WFDC12: variants seen among roughly 807,000 people sequenced by gnomAD.
The protein encoded by WFDC12 is WAP four-disulfide core domain protein 12.
WFDC12 carries 4 observed loss-of-function variants against 7.3 expected under a neutral mutation model. The ratio of observed to expected loss-of-function variants is 0.55; its 90% CI spans 0.27 to 1.25. The LOEUF (loss-of-function observed/expected upper bound fraction) is 1.25. WFDC12 is among the 50% of genes most tolerant of loss of function. WFDC12 has a pLI of 0.12. For synonymous variants in WFDC12, 48 were observed against 49.5 expected, an observed-to-expected ratio of 0.97 and a Z score of 0.13; for missense variants, 156 against 134.4, an observed-to-expected ratio of 1.16 and a Z score of -0.80.
Position 45,124,433 on chromosome 20 carries a change from G to A in WFDC12, c.15C>T (p.Ser5=). 2 of 1,614,164 alleles carry A rather than the reference G, an allele frequency of 1.2e-6. No individual in the cohort carries two copies. The highest frequency in any genetic ancestry group is 1.7e-6 in the Non-Finnish European group (2 of 1,180,028). MGSS[S]FLVLMVSLVL... ...CGAGAGACACCATGAGGACCAAGAA[G>A]CTGCTGGACCCCATGTTGCCAGGCA... is the stretch of plus-strand genomic sequence containing the variant. The change falls in exon 1 of 3, where the codon AGC becomes AGT. Residue 5 remains serine, a synonymous_variant. Transcript: ENST00000372785.
chr20:45,124,325 C>A (rs1037470088), intron 1 of WFDC12, 44 bp downstream of exon 1: 4 of 1,613,944 alleles, frequency 2.5e-6, no homozygotes, highest in Non-Finnish European at 3.4e-6. Flanking sequence ...CCCTCAGGAC[C>A]TCTCCCCAGC....
At chr20:45,124,027 G>T in intron 2 of WFDC12, 80 bp downstream of exon 2, 1 of 1,604,642 alleles carries the variant, frequency 6.2e-7, no homozygotes, top group East Asian at 2.2e-5. Flanking sequence ...CAGCTAAAGG[G>T]ACTAATTCCT....
chr20:45,123,880 G>C lies in WFDC12; in HGVS notation c.302C>G (p.Pro101Arg). Residue 101 changes from proline to arginine, a missense_variant, in exon 3 of 3, where the codon CCA (proline) becomes CGA (arginine). Coordinates refer to ENST00000372785, the MANE Select transcript of WFDC12 (RefSeq NM_080869.2). ...AGGACACCTGGTAGAGGAGGAGCCTGGACACTTGGCCTCCCATCCTGGCTC... is the reference window on the plus strand; with the variant it reads ...AGGACACCTGGTAGAGGAGGAGCCTCGACACTTGGCCTCCCATCCTGGCTC... ...YPEPGWEAKC[P>R]GSSSTRCPQK is the part of the protein sequence containing the mutation. The C allele has an allele frequency of 6.2e-7, 1 of 1,613,418 alleles. No homozygotes were observed. Among genetic ancestry groups the C allele is most frequent in the African/African-American group, 1.3e-5 (1 of 74,998 alleles).
At chr20:45,124,065 A>G in intron 2 of WFDC12, 42 bp downstream of exon 2, 1 of 1,612,906 alleles carries the variant, frequency 6.2e-7, no homozygotes, top group South Asian at 1.1e-5. Context: ...AGATAGAGGC[A>G]GGGAAGGGAC....
chr20:45,124,102 C>T lies in WFDC12; in HGVS notation c.238+5G>A, dbSNP rs763508107. ...GCCCCAGCCCTGGGAGGCAGGTCTC[C>T]TTACCTTCTTCCAGTTCCTTCACAG... On this transcript the variant is annotated splice_donor_5th_base_variant and intron_variant, in intron 2 of 2. Coordinates refer to ENST00000372785, the MANE Select transcript of WFDC12 (RefSeq NM_080869.2). 6.2e-7 allele frequency: 1 copy of T among 1,613,984 alleles called. No individual in the cohort carries two copies. Among genetic ancestry groups the T allele is most frequent in the Non-Finnish European group, 8.5e-7 (1 of 1,179,956 alleles).
rs1452007870 is a variant in WFDC12, at chr20:45,123,677, C to T, written c.*169G>A. The T allele has an allele frequency of 1.7e-5, 12 of 709,638 alleles. No homozygotes were observed. The highest frequency in any genetic ancestry group is 2.7e-5 in the Non-Finnish European group (11 of 412,862). 44.0% of individuals were successfully genotyped at this position (709,638 alleles called of 1,614,324 possible). On this transcript the variant is annotated 3_prime_UTR_variant, in exon 3 of 3. Transcript: ENST00000372785. The stretch of plus-strand genomic sequence containing the variant: ...CCAGGTAGAGAGGGAAAGTACCGTC[C>T]CTGGGGTCTGGACTTTTTGTGACTC...
At position 45,123,567 on chromosome 20, in the gene WFDC12, A is replaced by G. The variant is rs935243041; in HGVS notation, c.*279T>C. 1.1e-5 allele frequency: 5 copies of G among 472,504 alleles called. No homozygotes were observed. The highest frequency in any genetic ancestry group is 1.9e-5 in the Non-Finnish European group (5 of 261,940). The allele number at this position is 472,504 out of a possible 1,614,324, so 29.3% of individuals were successfully genotyped here. ...TTCTAGCTGTGATCACACATTGCAG[A>G]AGGGCAAGGCAGCTCTTTGGGGTCT... On this transcript the variant is annotated 3_prime_UTR_variant, in exon 3 of 3. Coordinates refer to ENST00000372785, the MANE Select transcript of WFDC12 (RefSeq NM_080869.2).
Position 45,123,791 on chromosome 20 carries a change from C to G in WFDC12, c.*55G>C. On this transcript the variant is annotated 3_prime_UTR_variant, in exon 3 of 3. Coordinates refer to ENST00000372785, the MANE Select transcript of WFDC12 (RefSeq NM_080869.2). Reference sequence around the variant, plus strand: ...TCTTCCATATTCCAAGTCTCAGGACCCTCAGGGGCAGGTGCCAAGTGAGAG... The same window carrying G: ...TCTTCCATATTCCAAGTCTCAGGACGCTCAGGGGCAGGTGCCAAGTGAGAG... The G allele has an allele frequency of 6.4e-7, 1 of 1,571,326 alleles. No homozygotes were observed. The highest frequency in any genetic ancestry group is 8.7e-7 in the Non-Finnish European group (1 of 1,143,548).
chr20:45,123,582 C>T lies in WFDC12; in HGVS notation c.*264G>A, dbSNP rs1981917213. On this transcript the variant is annotated 3_prime_UTR_variant, in exon 3 of 3. Transcript: ENST00000372785. ...CACATTGCAGAAGGGCAAGGCAGCT[C>T]TTTGGGGTCTCTTATAAGGGCACTG... The T allele has an allele frequency of 3.9e-6, 2 of 515,042 alleles. No individual in the cohort carries two copies. Among genetic ancestry groups the T allele is most frequent in the Non-Finnish European group, 7.0e-6 (2 of 287,068 alleles). 31.9% of individuals were successfully genotyped at this position (515,042 alleles called of 1,614,324 possible).
chr20:45,123,698 G>T lies in WFDC12; in HGVS notation c.*148C>A. ...CGTCCCTGGGGTCTGGACTTTTTGT[G>T]ACTCTTCCCTCTTTTTGGGGAAAAG... On this transcript the variant is annotated 3_prime_UTR_variant, in exon 3 of 3. Coordinates refer to ENST00000372785, the MANE Select transcript of WFDC12 (RefSeq NM_080869.2). The T allele has an allele frequency of 1.2e-6, 1 of 838,922 alleles. No homozygotes were observed. The highest frequency in any genetic ancestry group is 1.6e-5 in the South Asian group (1 of 62,704). 52.0% of individuals were successfully genotyped at this position (838,922 alleles called of 1,614,324 possible).
In WFDC12 at chr20:45,124,130, A is replaced by G; in HGVS notation, c.215T>C (p.Ile72Thr). The change falls in exon 2 of 3, where the codon ATT (isoleucine) becomes ACT (threonine). Residue 72 changes from isoleucine to threonine, a missense_variant. Physicochemically the swap from Ile to Thr is moderately conservative, Grantham distance 89. Transcript: ENST00000372785. ...ACCTTCTTCCAGTTCCTTCACAGGA[A>G]TCACACACTTGAAGCCACAGTGCAG... ...CYLHCGFKCV[I>T]PVKELEEGGN... The G allele has an allele frequency of 1.9e-6, 3 of 1,614,196 alleles. No homozygotes were observed. Among genetic ancestry groups the G allele is most frequent in the Non-Finnish European group, 2.5e-6 (3 of 1,180,034 alleles).
rs1473320879 is a variant in WFDC12 at position 45,124,132 on chromosome 20, C to T, written c.213G>A (p.Val71=). 1.9e-6 allele frequency: 3 copies of T among 1,614,074 alleles called. No homozygotes were observed. The highest frequency in any genetic ancestry group is 2.5e-6 in the Non-Finnish European group (3 of 1,180,036). Reference sequence around the variant, plus strand: ...CTTCTTCCAGTTCCTTCACAGGAATCACACACTTGAAGCCACAGTGCAGGT... The same window carrying T: ...CTTCTTCCAGTTCCTTCACAGGAATTACACACTTGAAGCCACAGTGCAGGT... ...CCYLHCGFKC[V]IPVKELEEGG... is the part of the protein sequence containing the mutation. The change falls in exon 2 of 3, where the codon GTG becomes GTA. Residue 71 remains valine (V), a synonymous_variant. Transcript: ENST00000372785.
Position 45,124,136 on chromosome 20 carries a change from C to T in WFDC12, c.209G>A (p.Cys70Tyr), listed in dbSNP as rs764686332. 8.1e-6 allele frequency: 13 copies of T among 1,614,080 alleles called. No homozygotes were observed. The African/African-American group carries it at 1.1e-4, about 13-fold the overall frequency. Residue 70 changes from cysteine (C) to tyrosine (Y), a missense_variant, in exon 2 of 3, where the codon TGT (cysteine) becomes TAT (tyrosine). Cys to Tyr is a radical substitution (Grantham distance 194, BLOSUM62 -2). Transcript: ENST00000372785. ...KCCYLHCGFK[C>Y]VIPVKELEEG... ...TTCCAGTTCCTTCACAGGAATCACACACTTGAAGCCACAGTGCAGGTAACA... is the reference window on the plus strand; with the variant it reads ...TTCCAGTTCCTTCACAGGAATCACATACTTGAAGCCACAGTGCAGGTAACA...
chr20:45,123,819 A>AC lies in WFDC12; in HGVS notation c.*26dup, dbSNP rs754634160. Reference sequence around the variant, plus strand: ...CAGGGGCAGGTGCCAAGTGAGAGTGACCCCCAGAGGTAGAAAGGACCCAGC... The same window carrying AC: ...CAGGGGCAGGTGCCAAGTGAGAGTGACCCCCCAGAGGTAGAAAGGACCCAGC... On this transcript the variant is annotated 3_prime_UTR_variant, in exon 3 of 3. Coordinates refer to ENST00000372785, the MANE Select transcript of WFDC12 (RefSeq NM_080869.2). 1.1e-5 allele frequency: 17 copies of AC among 1,609,234 alleles called. No individual in the cohort carries two copies. The African/African-American group carries it at 2.3e-4, about 22-fold the overall frequency.
In WFDC12 at chr20:45,124,304, C is replaced by T. The variant is rs1353996208; in HGVS notation, c.80-39G>A. 3 of 1,613,854 alleles carry T rather than the reference C, an allele frequency of 1.9e-6. No individual in the cohort carries two copies. In the African/African-American group the frequency reaches 4.0e-5, roughly 22 times the overall value. On this transcript the variant is annotated intron_variant, in intron 1 of 2. Coordinates refer to ENST00000372785, the MANE Select transcript of WFDC12 (RefSeq NM_080869.2). Reference sequence around the variant, plus strand: ...CCACAAGGTGATATGAGAACTCCAGCCCCAGAGGGCCCCTCAGGACCTCTC... The same window carrying T: ...CCACAAGGTGATATGAGAACTCCAGTCCCAGAGGGCCCCTCAGGACCTCTC...
chr20:45,124,140 T>C lies in WFDC12; in HGVS notation c.205A>G (p.Lys69Glu), dbSNP rs750380604. 1 of 1,614,020 alleles carries C rather than the reference T, an allele frequency of 6.2e-7. No homozygotes were observed. The highest frequency in any genetic ancestry group is 1.3e-5 in the African/African-American group (1 of 74,910). Reference protein sequence around the residue: ...RKCCYLHCGFKCVIPVKELEE... With the variant: ...RKCCYLHCGFECVIPVKELEE... ...AGTTCCTTCACAGGAATCACACACT[T>C]GAAGCCACAGTGCAGGTAACAACAC... Residue 69 changes from lysine (K) to glutamate (E), a missense_variant, in exon 2 of 3, where the codon AAG becomes GAG. Physicochemically the swap from Lys to Glu is moderately conservative, Grantham distance 56 (BLOSUM62 1). Transcript: ENST00000372785.
At position 45,124,282 on chromosome 20, in the gene WFDC12, C is replaced by G. The variant is rs907449909; in HGVS notation, c.80-17G>C. On this transcript the variant is annotated splice_polypyrimidine_tract_variant and intron_variant, in intron 1 of 2. Coordinates refer to ENST00000372785, the MANE Select transcript of WFDC12 (RefSeq NM_080869.2). ...TCTCTATACCTAGTGGAGGAAGCCA[C>G]AAGGTGATATGAGAACTCCAGCCCC... The G allele has an allele frequency of 3.1e-6, 5 of 1,613,974 alleles. No individual in the cohort carries two copies. In the African/African-American group the frequency reaches 6.7e-5, roughly 22 times the overall value.
Position 45,124,271 on chromosome 20 carries a change from G to A in WFDC12, c.80-6C>T. On this transcript the variant is annotated splice_region_variant and splice_polypyrimidine_tract_variant and intron_variant, in intron 1 of 2. Coordinates refer to ENST00000372785, the MANE Select transcript of WFDC12 (RefSeq NM_080869.2). Reference sequence around the variant, plus strand: ...AACCCCTGCTTTCTCTATACCTAGTGGAGGAAGCCACAAGGTGATATGAGA... The same window carrying A: ...AACCCCTGCTTTCTCTATACCTAGTAGAGGAAGCCACAAGGTGATATGAGA... The A allele has an allele frequency of 1.2e-6, 2 of 1,614,152 alleles. No homozygotes were observed. Among genetic ancestry groups the A allele is most frequent in the South Asian group, 1.1e-5 (1 of 91,076 alleles).
Position 45,123,788 on chromosome 20 carries a change from G to A in WFDC12, c.*58C>T. ...GCTTCTTCCATATTCCAAGTCTCAG[G>A]ACCCTCAGGGGCAGGTGCCAAGTGA... is the stretch of plus-strand genomic sequence containing the variant. On this transcript the variant is annotated 3_prime_UTR_variant, in exon 3 of 3. Coordinates refer to ENST00000372785, the MANE Select transcript of WFDC12 (RefSeq NM_080869.2). 6.4e-7 allele frequency: 1 copy of A among 1,551,984 alleles called. No homozygotes were observed. Among genetic ancestry groups the A allele is most frequent in the Non-Finnish European group, 8.9e-7 (1 of 1,126,128 alleles).
Sources: gnomAD v4.1 joint callset for allele counts on GRCh38, gnomAD v4.1.1 for gene constraint, MANE v1.5 for transcripts, NCBI Gene and HGNC (gene_info 2026-07-23, HGNC 2026-07-21) for gene names.